The following LNPK variants were observed in gnomAD, a reference collection of about 807,000 sequenced individuals.
The protein encoded by LNPK is endoplasmic reticulum junction formation protein lunapark.
LNPK carries 29 observed loss-of-function variants against 55.2 expected under a neutral mutation model. The ratio of observed to expected loss-of-function variants is 0.53; its 90% CI spans 0.39 to 0.72. The LOEUF is 0.72. LNPK is among the 30% of genes least tolerant of loss of function. LNPK has a pLI of 0.00. For synonymous variants in LNPK, 162 were observed against 168.2 expected, an observed-to-expected ratio of 0.96 and a Z score of 0.29; for missense variants, 467 against 494.8, an observed-to-expected ratio of 0.94 and a Z score of 0.53.
intron 8 of LNPK, among the ~76,000 whole-genome samples, chr2:175,963,089 A>C (rs1219577800): frequency 6.8e-6 from 1 of 147,032 alleles, no homozygotes; most frequent in Non-Finnish European, 1.5e-5. Flanking sequence ...AAATAGGAAC[A>C]CTTTTACACT....
rs977157856 is a variant in LNPK at position 175,926,229 on chromosome 2, G to T, written c.*3738C>A. The stretch of plus-strand genomic sequence containing the variant: ...TGCTATGGTTTGAATGCTACAAAAA[G>T]CATGTGTTGAAAACTTATGCTAACT... On this transcript the variant is annotated 3_prime_UTR_variant, in exon 13 of 13. Coordinates refer to ENST00000272748, the MANE Select transcript of LNPK (RefSeq NM_030650.3). 6.6e-6 allele frequency: 1 copy of T among 152,304 alleles called. No individual in the cohort carries two copies. The highest frequency in any genetic ancestry group is 2.1e-4 in the South Asian group (1 of 4,830). 9.4% of individuals were successfully genotyped at this position (152,304 alleles called of 1,614,324 possible). A position where few individuals can be genotyped will look rare whatever the true frequency, so the allele number is the denominator to read the frequency against.
At chr2:175,960,726 A>G (rs1383700225) in intron 8 of LNPK, among the ~76,000 whole-genome samples, 3 of 152,214 alleles carry the variant, frequency 2.0e-5, no homozygotes, top group Non-Finnish European at 4.4e-5. Flanking sequence ...GAACTGAAGG[A>G]GATAGAGACA....
chr2:175,953,444 AATTC>A (rs1394542269), intron 8 of LNPK, among the ~76,000 whole-genome samples: 1 of 152,078 alleles, frequency 6.6e-6, no homozygotes, highest in East Asian at 1.9e-4. Context: ...ACCAAAAGTA[AATTC>A]ATTATCTTCT....
intron 12 of LNPK, among the ~76,000 whole-genome samples, chr2:175,931,587 A>G (rs758340146): frequency 1.7e-4 from 26 of 152,350 alleles, no homozygotes; most frequent in Non-Finnish European, 3.7e-4. Context: ...GTTTTACTAT[A>G]TGAAAACTTC....
chr2:175,958,957 G>A (rs1168162178), intron 8 of LNPK, among the ~76,000 whole-genome samples: 1 of 152,180 alleles, frequency 6.6e-6, no homozygotes, highest in Admixed American at 6.5e-5. Context: ...TCATCAAACA[G>A]AAGAAAGGGT....
At position 175,989,563 on chromosome 2, in the gene LNPK, T is replaced by G. The variant is rs189415797; in HGVS notation, c.257+2668A>C. On this transcript the variant is annotated intron_variant, in intron 4 of 12. Coordinates refer to ENST00000272748, the MANE Select transcript of LNPK (RefSeq NM_030650.3). ...TAACATAGAAATAAAACTTAATGGT[T>G]GCTGACTTAGAAAATGAACCAACTC... 1.4e-4 allele frequency among the ~76,000 whole-genome samples: 21 copies of G among 152,256 alleles called. No individual in the cohort carries two copies. In the East Asian group the frequency reaches 4.1e-3, roughly 29 times the overall value.
At position 175,959,382 on chromosome 2, in the gene LNPK, C is replaced by T. The variant is rs545066438; in HGVS notation, c.493+4990G>A. Among the ~76,000 whole-genome samples the T allele has an allele frequency of 6.0e-4, 92 of 152,208 alleles. 2 individuals are homozygous for T. In the South Asian group the frequency reaches 0.017, roughly 27 times the overall value. On this transcript the variant is annotated intron_variant, in intron 8 of 12. Transcript: ENST00000272748. The stretch of plus-strand genomic sequence containing the variant: ...ACAGCAGATCTCTCAGCAGAAACTA[C>T]GAGACAGAAGAGAGCGGGGGTCAAT...
In LNPK at chr2:175,929,708, C is replaced by CA. The variant is rs1352274332; in HGVS notation, c.*258dup. The CA allele has an allele frequency of 3.9e-6, 5 of 1,280,028 alleles. No individual in the cohort carries two copies. The highest frequency in any genetic ancestry group is 4.9e-6 in the Non-Finnish European group (5 of 1,014,116). The allele number at this position is 1,280,028 out of a possible 1,614,324, so 79.3% of individuals were successfully genotyped here. On this transcript the variant is annotated 3_prime_UTR_variant, in exon 13 of 13. Coordinates refer to ENST00000272748, the MANE Select transcript of LNPK (RefSeq NM_030650.3). The stretch of plus-strand genomic sequence containing the variant: ...CATGTTTGCTTACTTTTAGAATGGA[C>CA]AAAAAAGTATCTAAAAGCTGTCTCA...
At chr2:175,941,252 G>A (rs1313780433) in intron 9 of LNPK, among the ~76,000 whole-genome samples, 1 of 120,990 alleles carries the variant, frequency 8.3e-6, no homozygotes, top group Non-Finnish European at 2.0e-5. Context: ...CCACAGAACA[G>A]TCTCAAGCAG....
At chr2:175,932,869 C>T (rs964097235) in intron 12 of LNPK, among the ~76,000 whole-genome samples, 6 of 152,210 alleles carry the variant, frequency 3.9e-5, no homozygotes, top group East Asian at 1.9e-4. Context: ...AAATATATTT[C>T]GCAAGATGTT....
At chr2:175,992,089 AT>A (rs1340380220) in intron 4 of LNPK, 141 bp downstream of exon 4, 7 of 552,466 alleles carry the variant, frequency 1.3e-5, no homozygotes, top group African/African-American at 2.0e-5. Context: ...TACTAAAAAA[AT>A]CTTTTCAAAT....
chr2:175,947,460 A>G lies in LNPK; in HGVS notation c.706+20T>C, dbSNP rs143694399. On this transcript the variant is annotated intron_variant, in intron 9 of 12. Transcript: ENST00000272748. ...GAGAAAACAATATAAACTGTAAATAACATTAAGTGCTCTGTTTACCCATTC... is the reference window on the plus strand; with the variant it reads ...GAGAAAACAATATAAACTGTAAATAGCATTAAGTGCTCTGTTTACCCATTC... 1.8e-4 allele frequency: 295 copies of G among 1,594,816 alleles called. No individual in the cohort carries two copies. In the African/African-American group the frequency reaches 3.3e-3, roughly 18 times the overall value.
At chr2:175,939,884 A>G in intron 9 of LNPK, 1 of 367,396 alleles carries the variant, frequency 2.7e-6, no homozygotes, top group South Asian at 6.8e-5. Flanking sequence ...CTTTGCTAGT[A>G]GATTCTGTAG....
chr2:175,944,356 A>G (rs75908479), intron 9 of LNPK, among the ~76,000 whole-genome samples: 1 of 152,184 alleles, frequency 6.6e-6, no homozygotes, highest in African/African-American at 2.4e-5. Context: ...TTGGGAGTGG[A>G]GGAATAACAC....
intron 4 of LNPK, among the ~76,000 whole-genome samples, chr2:175,984,790 GA>G (rs913067487): frequency 1.3e-5 from 2 of 152,062 alleles, no homozygotes; most frequent in African/African-American, 4.8e-5. Context: ...TAGCTACTCT[GA>G]AAAAAAGTTT....
intron 6 of LNPK, among the ~76,000 whole-genome samples, chr2:175,964,905 G>A (rs1018928047): frequency 3.3e-5 from 5 of 152,140 alleles, no homozygotes; most frequent in African/African-American, 9.7e-5. Context: ...GAAGTTATTA[G>A]ACATGACAAG....
chr2:175,941,456 T>C (rs1268814788), intron 9 of LNPK, among the ~76,000 whole-genome samples: 1 of 151,900 alleles, frequency 6.6e-6, no homozygotes, highest in Non-Finnish European at 1.5e-5. Flanking sequence ...ATTATTTTGC[T>C]CCAAGACAGT....
intron 1 of LNPK, among the ~76,000 whole-genome samples, 198 bp downstream of exon 1, chr2:176,001,962 A>G (rs969683283): frequency 2.6e-5 from 4 of 152,232 alleles, no homozygotes; most frequent in South Asian, 2.1e-4. Flanking sequence ...TCCAGGGAAC[A>G]AGGCGGCGAG....
intron 1 of LNPK, among the ~76,000 whole-genome samples, chr2:175,998,662 A>C (rs1395493649): frequency 6.6e-6 from 1 of 152,226 alleles, no homozygotes; most frequent in African/African-American, 2.4e-5. Context: ...ATCTACTGAA[A>C]TGAAAAGTGA....
Sources: gnomAD v4.1 joint callset for allele counts (sites outside exome capture counted in the v4.1 genomes callset) on GRCh38, gnomAD v4.1.1 for gene constraint, MANE v1.5 for transcripts, NCBI Gene and HGNC (gene_info 2026-07-23, HGNC 2026-07-21) for gene names.